Variants in XRN1 observed in about 807,000 individuals in gnomAD.
The protein encoded by XRN1 is strand-exchange protein 1 homolog.
In XRN1, 67 loss-of-function variants were observed where a neutral mutation model predicts 222.3. The ratio of observed to expected loss-of-function variants is 0.30; its 90% confidence interval spans 0.25 to 0.37. The LOEUF (loss-of-function observed/expected upper bound fraction) is 0.37, where lower values mean the gene tolerates loss of function less well. Ranked by LOEUF, XRN1 falls within the 10% of genes least tolerant of loss-of-function variation. The probability of loss-of-function intolerance (pLI) is 1.00; values close to 1 mark genes in which losing one functional copy is unlikely to be tolerated. For missense variants in XRN1, 1,707 were observed against 2,000.2 expected (o/e 0.85, Z 2.80); for synonymous variants, 643 against 652.4 (o/e 0.99, Z 0.22).
In XRN1 at chr3:142,447,050, A is replaced by G. The variant is rs190626914; in HGVS notation, c.75+820T>C. Among the ~76,000 whole-genome samples, 23 of 152,296 alleles carry G rather than the reference A, an allele frequency of 1.5e-4. No homozygotes were observed. The East Asian group carries it at 4.2e-3, about 28-fold the overall frequency. ...GTGACAAACACCAAAGTATCACCCA[A>G]AGTCTAGTTTACCTAATAGACGACT... On this transcript the variant is annotated intron_variant, in intron 1 of 40. Transcript: ENST00000392981. The surrounding 1 kb of genome is among the most constrained non-coding windows in gnomAD (Gnocchi z 4.2).
chr3:142,399,315 G>A (rs987068093), intron 19 of XRN1, among the ~76,000 whole-genome samples: 1 of 150,684 alleles, frequency 6.6e-6, no homozygotes, highest in Admixed American at 6.6e-5. Flanking sequence ...AAGCCAATGT[G>A]TTACTGGCAT....
At chr3:142,380,817 G>A (rs2067279308) in intron 22 of XRN1, among the ~76,000 whole-genome samples, 1 of 152,006 alleles carries the variant, frequency 6.6e-6, no homozygotes, top group Non-Finnish European at 1.5e-5. Context: ...GCACCACTAA[G>A]CTCAATTATT....
intron 33 of XRN1, among the ~76,000 whole-genome samples, chr3:142,342,536 C>T (rs543532462): frequency 9.9e-5 from 15 of 152,270 alleles, no homozygotes; most frequent in African/African-American, 3.6e-4. Flanking sequence ...TACCTGACTT[C>T]AAATCATACT....
chr3:142,343,373 G>A (rs2066051831), intron 33 of XRN1, among the ~76,000 whole-genome samples: 1 of 151,824 alleles, frequency 6.6e-6, no homozygotes, highest in Non-Finnish European at 1.5e-5. Flanking sequence ...AGAATCGCTT[G>A]AACCAGTGAG....
In XRN1 at chr3:142,380,568, A is replaced by C. The variant is rs181729938; in HGVS notation, c.2617-388T>G. On this transcript the variant is annotated intron_variant, in intron 22 of 40. Coordinates refer to ENST00000392981, the MANE Select transcript of XRN1 (RefSeq NM_001282857.2). ...AAGTGGTGGGATCACAGCTCACTGC[A>C]ACCTTGAACTCTTGGGCTCAAGTAA... is the stretch of plus-strand genomic sequence containing the variant. 2.9e-3 allele frequency among the ~76,000 whole-genome samples: 439 copies of C among 152,236 alleles called. 1 individual carries two copies. Among genetic ancestry groups the C allele is most frequent in the Non-Finnish European group, 5.2e-3 (356 of 68,008 alleles).
intron 35 of XRN1, 40 bp from the exon 36 acceptor site, chr3:142,332,574 G>A: frequency 6.5e-7 from 1 of 1,549,332 alleles, no homozygotes; most frequent in Non-Finnish European, 8.7e-7. Context: ...TGAGGGTGAA[G>A]AGAACAAAGT....
Position 142,373,036 on chromosome 3 carries a change from C to G in XRN1, c.2979-1708G>C, listed in dbSNP as rs573634816. Among the ~76,000 whole-genome samples the G allele has an allele frequency of 3.3e-5, 5 of 152,098 alleles. No individual in the cohort carries two copies. The South Asian group carries it at 8.3e-4, about 25-fold the overall frequency. ...ATCAAAGATCATCAGACAAGAACAA[C>G]AACAACAAAACTTTAACACTGCAAG... On this transcript the variant is annotated intron_variant, in intron 25 of 40. Coordinates refer to ENST00000392981, the MANE Select transcript of XRN1 (RefSeq NM_001282857.2).
intron 39 of XRN1, among the ~76,000 whole-genome samples, chr3:142,317,779 C>T (rs561992224): frequency 3.9e-5 from 6 of 152,148 alleles, no homozygotes; most frequent in Non-Finnish European, 8.8e-5. Context: ...CTCTTGGGAA[C>T]GGCGAGGGAC....
intron 1 of XRN1, chr3:142,435,982 C>A (rs2069883434): frequency 6.6e-6 from 1 of 151,102 alleles, no homozygotes; most frequent in Non-Finnish European, 1.5e-5. Flanking sequence ...ATGGCGTGAA[C>A]CCAGGAGGCG....
At chr3:142,424,045 A>C (rs2069145185) in intron 5 of XRN1, among the ~76,000 whole-genome samples, 1 of 148,760 alleles carries the variant, frequency 6.7e-6, no homozygotes. Flanking sequence ...AGTATATGAA[A>C]ACTCAGGAAA....
At chr3:142,407,734 T>G (rs995301271) in intron 15 of XRN1, 1 of 149,714 alleles carries the variant, frequency 6.7e-6, no homozygotes, top group African/African-American at 2.4e-5. Flanking sequence ...ATCATTCCAG[T>G]TTTTTTTTTA....
intron 15 of XRN1, among the ~76,000 whole-genome samples, 162 bp downstream of exon 15, chr3:142,412,382 A>G (rs2068619135): frequency 6.6e-6 from 1 of 152,208 alleles, no homozygotes; most frequent in African/African-American, 2.4e-5. Flanking sequence ...CAGCCTTATT[A>G]TAATTGGCAT....
At chr3:142,434,305 C>T (rs1314525435) in intron 1 of XRN1, among the ~76,000 whole-genome samples, 1 of 152,076 alleles carries the variant, frequency 6.6e-6, no homozygotes, top group Middle Eastern at 3.4e-3. Context: ...TGACAACAAA[C>T]GTGATAATTT....
chr3:142,417,337 C>G, intron 12 of XRN1, 108 bp from the exon 13 acceptor site: 1 of 855,938 alleles, frequency 1.2e-6, no homozygotes, highest in Non-Finnish European at 1.8e-6. Flanking sequence ...TTTATTTAAT[C>G]AATGAATTAG....
chr3:142,375,987 C>A, intron 24 of XRN1, 43 bp from the exon 25 acceptor site: 1 of 1,521,848 alleles, frequency 6.6e-7, no homozygotes, highest in South Asian at 1.3e-5. Flanking sequence ...CACACACACA[C>A]ACACACACAC....
Position 142,406,180 on chromosome 3 carries a change from G to C in XRN1, c.1714-1104C>G, listed in dbSNP as rs565564522. On this transcript the variant is annotated intron_variant, in intron 15 of 40. Coordinates refer to ENST00000392981, the MANE Select transcript of XRN1 (RefSeq NM_001282857.2). ...ACATATGGACCAATGGAACAAAATA[G>C]AAAGCCCAGAAATAAATCCATAATT... is the stretch of plus-strand genomic sequence containing the variant. Among the ~76,000 whole-genome samples, 12 of 152,214 alleles carry C rather than the reference G, an allele frequency of 7.9e-5. No individual in the cohort carries two copies. In the East Asian group the frequency reaches 2.3e-3, roughly 29 times the overall value.
intron 37 of XRN1, 46 bp downstream of exon 37, chr3:142,329,388 C>A: frequency 7.9e-7 from 1 of 1,267,566 alleles, no homozygotes; most frequent in Non-Finnish European, 1.0e-6. Context: ...TTTATTTAAG[C>A]TTAATGTTAA....
At chr3:142,421,769 CATA>C (rs1416671701) in intron 8 of XRN1, among the ~76,000 whole-genome samples, 1 of 152,142 alleles carries the variant, frequency 6.6e-6, no homozygotes, top group Admixed American at 6.5e-5. Flanking sequence ...CCAGGTTCCA[CATA>C]ATAATCCAAC....
At chr3:142,327,386 T>C (rs886496836) in intron 37 of XRN1, among the ~76,000 whole-genome samples, 2 of 152,174 alleles carry the variant, frequency 1.3e-5, no homozygotes, top group Non-Finnish European at 2.9e-5. Flanking sequence ...ATTTACTGCA[T>C]ATAGTTGCTC....
Sources: gnomAD v4.1 joint callset for allele counts (sites outside exome capture counted in the v4.1 genomes callset) on GRCh38, gnomAD v4.1.1 for gene constraint, Gnocchi (gnomAD v3.1) non-coding constraint, MANE v1.5 for transcripts, NCBI Gene and HGNC (gene_info 2026-07-23, HGNC 2026-07-21) for gene names.